SGCD: variants seen among roughly 807,000 people sequenced by gnomAD.
SGCD encodes delta-sarcoglycan.
A neutral mutation model predicts 36.6 loss-of-function variants in SGCD; 18 were observed. The observed-to-expected ratio is 0.49, with a 90% CI of 0.34 to 0.73. The LOEUF is 0.73. Ranked by LOEUF, SGCD falls within the 30% of genes least tolerant of loss-of-function variation. The probability of loss-of-function intolerance (pLI) is 0.01; values close to 1 mark genes in which losing one functional copy is unlikely to be tolerated. For synonymous variants in SGCD, 133 were observed against 130.6 expected, an observed-to-expected ratio of 1.02 and a Z score of -0.12; for missense variants, 387 against 346.7, an observed-to-expected ratio of 1.12 and a Z score of -0.92.
intron 3 of SGCD, among the ~76,000 whole-genome samples, chr5:156,211,655 C>A: frequency 6.7e-6 from 1 of 149,306 alleles, no homozygotes. Flanking sequence ...ATTAGTAGCA[C>A]TAAAACATAT....
chr5:156,719,679 T>C (rs1755396073), intron 7 of SGCD, among the ~76,000 whole-genome samples: 1 of 152,070 alleles, frequency 6.6e-6, no homozygotes, highest in African/African-American at 2.4e-5. Flanking sequence ...GACCCAGCAA[T>C]TTAAACGGCT....
At chr5:156,371,969 T>C (rs1263247478) in intron 3 of SGCD, among the ~76,000 whole-genome samples, 2 of 152,226 alleles carry the variant, frequency 1.3e-5, no homozygotes, top group African/African-American at 4.8e-5. Flanking sequence ...CGATATTCCA[T>C]GTCTCCATCA....
At chr5:155,990,651 A>G (rs1369306197) in intron 1 of SGCD, among the ~76,000 whole-genome samples, 1 of 152,162 alleles carries the variant, frequency 6.6e-6, no homozygotes, top group Admixed American at 6.6e-5. Flanking sequence ...GCCTTTCCCA[A>G]TTTCCAGTCT....
chr5:156,469,424 T>C (rs1274814836), intron 3 of SGCD, among the ~76,000 whole-genome samples: 1 of 152,210 alleles, frequency 6.6e-6, no homozygotes, highest in Non-Finnish European at 1.5e-5. Flanking sequence ...GTATACCATA[T>C]TTAAAGAGCT....
intron 5 of SGCD, among the ~76,000 whole-genome samples, chr5:156,592,753 T>C (rs1760774008): frequency 6.6e-6 from 1 of 152,142 alleles, no homozygotes; most frequent in African/African-American, 2.4e-5. Context: ...GACTTCCGGG[T>C]TCCATCATGC....
chr5:156,250,741 C>T (rs1765555447), intron 3 of SGCD, among the ~76,000 whole-genome samples: 1 of 152,196 alleles, frequency 6.6e-6, no homozygotes, highest in South Asian at 2.1e-4. Context: ...TGACACAGAA[C>T]TGTCAGTTGG....
chr5:156,216,704 A>C (rs1764583847), intron 3 of SGCD, among the ~76,000 whole-genome samples: 1 of 152,248 alleles, frequency 6.6e-6, no homozygotes, highest in South Asian at 2.1e-4. Context: ...TGTTATAGGG[A>C]TGAGGTAAAA....
chr5:156,524,451 G>A lies in SGCD; in HGVS notation c.294+15749G>A, dbSNP rs1051644484. 8.7e-5 allele frequency among the ~76,000 whole-genome samples: 13 copies of A among 149,870 alleles called. No homozygotes were observed. In the Admixed American group the frequency reaches 8.7e-4, roughly 10 times the overall value. On this transcript the variant is annotated intron_variant, in intron 4 of 8. Coordinates refer to ENST00000337851, the MANE Select transcript of SGCD (RefSeq NM_000337.6). ...GGGGGTTCCCCTACCACTTTATTGA[G>A]GTATAATTGACAGGTAAAAATTGTA...
At chr5:156,386,474 A>G (rs1771284013) in intron 3 of SGCD, among the ~76,000 whole-genome samples, 1 of 152,276 alleles carries the variant, frequency 6.6e-6, no homozygotes, top group East Asian at 1.9e-4. Flanking sequence ...GAATGGATGA[A>G]TCACTGGACT....
intron 3 of SGCD, among the ~76,000 whole-genome samples, chr5:156,153,666 G>A (rs1762880411): frequency 6.6e-6 from 1 of 151,572 alleles, no homozygotes; most frequent in Non-Finnish European, 1.5e-5. Flanking sequence ...CCCTCCTTGG[G>A]TGATTTTGTA....
chr5:156,689,502 GGGGGAAAGT>G (rs1342734287), intron 7 of SGCD, among the ~76,000 whole-genome samples: 1 of 152,148 alleles, frequency 6.6e-6, no homozygotes, highest in Non-Finnish European at 1.5e-5. Context: ...AGGAGATCAA[GGGGGAAAGT>G]GGTACTTGAG....
At chr5:156,094,790 C>G (rs1761336100) in intron 1 of SGCD, among the ~76,000 whole-genome samples, 1 of 152,120 alleles carries the variant, frequency 6.6e-6, no homozygotes, top group Non-Finnish European at 1.5e-5. Context: ...ATCATGAGGT[C>G]AAGAGATCGA....
chr5:155,830,645 C>T, the SGCD span, among the ~76,000 whole-genome samples: 6 of 152,258 alleles, frequency 3.9e-5, no homozygotes, highest in South Asian at 1.0e-3. Flanking sequence ...TTTTTAAAGA[C>T]TTCTGTTAAA....
At chr5:156,209,479 A>G (rs1046383801) in intron 3 of SGCD, among the ~76,000 whole-genome samples, 2 of 152,200 alleles carry the variant, frequency 1.3e-5, no homozygotes, top group African/African-American at 4.8e-5. Context: ...GGCACCAGGC[A>G]AGCATCTGCA....
At chr5:156,002,818 C>T (rs1426491082) in intron 1 of SGCD, among the ~76,000 whole-genome samples, 3 of 152,308 alleles carry the variant, frequency 2.0e-5, no homozygotes, top group Admixed American at 6.5e-5. Context: ...AGAGGAGCAA[C>T]CCTTGAATTA....
intron 3 of SGCD, among the ~76,000 whole-genome samples, chr5:156,314,089 A>G (rs1460889881): frequency 1.3e-5 from 2 of 152,022 alleles, no homozygotes; most frequent in Non-Finnish European, 2.9e-5. Context: ...CACACAATAA[A>G]GAGCAAAGAG....
At chr5:156,285,088 A>G (rs1456327116) in intron 3 of SGCD, among the ~76,000 whole-genome samples, 3 of 152,214 alleles carry the variant, frequency 2.0e-5, no homozygotes, top group Non-Finnish European at 4.4e-5. Context: ...TTCAAAGACA[A>G]TAAAATACTT....
At chr5:156,025,373 C>T (rs1001456912) in intron 1 of SGCD, among the ~76,000 whole-genome samples, 1 of 152,134 alleles carries the variant, frequency 6.6e-6, no homozygotes, top group African/African-American at 2.4e-5. Flanking sequence ...CTTCTATTTG[C>T]CCAGGAAAGG....
rs1581219225 is a variant in SGCD, at chr5:156,286,422, C to G, written c.-43-43112C>G. Among the ~76,000 whole-genome samples, 3 of 152,242 alleles carry G rather than the reference C, an allele frequency of 2.0e-5. No individual in the cohort carries two copies. The East Asian group carries it at 5.8e-4, about 29-fold the overall frequency. ...CACAATAGCAAGGACTTGGAACCAC[C>G]CCAAATGTCCAACAATGATAGACTG... On this transcript the variant is annotated intron_variant, in intron 3 of 9. Coordinates refer to the SGCD transcript ENST00000517913.
Sources: gnomAD v4.1 joint callset for allele counts (sites outside exome capture counted in the v4.1 genomes callset) on GRCh38, gnomAD v4.1.1 for gene constraint, MANE v1.5 for transcripts, NCBI Gene and HGNC (gene_info 2026-07-23, HGNC 2026-07-21) for gene names.